Variants in MGAT4D observed in about 807,000 individuals in gnomAD.
The protein encoded by MGAT4D is MGAT4 family member D.
Under a neutral mutation model 15.9 loss-of-function variants are expected in MGAT4D, and 34 were observed. The observed-to-expected ratio is 2.14, with a 90% CI of 1.62 to 2.84. The LOEUF (loss-of-function observed/expected upper bound fraction) is 2.84, where lower values mean the gene tolerates loss of function less well. MGAT4D is among the 30% of genes most tolerant of loss of function. The pLI is 0.00. For missense variants in MGAT4D, 327 were observed against 140.2 expected, an observed-to-expected ratio of 2.33 and a Z score of -6.73; for synonymous variants, 112 against 48.2, an observed-to-expected ratio of 2.33 and a Z score of -5.49.
chr4:140,449,942 T>C, intron 10 of MGAT4D: 1 of 225,924 alleles, frequency 4.4e-6, no homozygotes, highest in East Asian at 9.1e-5. Context: ...GATGATTGTC[T>C]ATATATTTAT....
At chr4:140,488,316 T>C (rs1317489554) in intron 1 of MGAT4D, among the ~76,000 whole-genome samples, 5 of 152,214 alleles carry the variant, frequency 3.3e-5, no homozygotes, top group Admixed American at 1.3e-4. Context: ...ATACTTGCCA[T>C]GTGCTATGTA....
At chr4:140,445,560 T>C (rs1403917271) in intron 10 of MGAT4D, among the ~76,000 whole-genome samples, 1 of 152,214 alleles carries the variant, frequency 6.6e-6, no homozygotes, top group Admixed American at 6.5e-5. Flanking sequence ...ACTTTTGTTT[T>C]TATTGCAATT....
intron 1 of MGAT4D, among the ~76,000 whole-genome samples, chr4:140,494,650 C>T (rs1422020372): frequency 6.6e-6 from 1 of 152,208 alleles, no homozygotes; most frequent in Non-Finnish European, 1.5e-5. Context: ...GCTCCTACCC[C>T]AGCCTTTGCT....
intron 1 of MGAT4D, among the ~76,000 whole-genome samples, chr4:140,496,919 T>C (rs184581977): frequency 2.3e-3 from 356 of 152,342 alleles, no homozygotes; most frequent in African/African-American, 8.3e-3. Flanking sequence ...GTGTGCTTAT[T>C]GTTCATTGTG....
At chr4:140,486,215 C>T (rs1476689084) in intron 1 of MGAT4D, among the ~76,000 whole-genome samples, 4 of 152,102 alleles carry the variant, frequency 2.6e-5, no homozygotes, top group Admixed American at 2.6e-4. Context: ...GCTCTTCCCC[C>T]ATATCCTTTC....
intron 1 of MGAT4D, among the ~76,000 whole-genome samples, chr4:140,484,859 T>G (rs903033589): frequency 1.3e-5 from 2 of 152,126 alleles, no homozygotes; most frequent in African/African-American, 4.8e-5. Context: ...GAGATACCAT[T>G]TCACACCAGT....
chr4:140,450,130 A>T (rs1420629767), intron 10 of MGAT4D: 1 of 356,200 alleles, frequency 2.8e-6, no homozygotes, highest in Non-Finnish European at 5.1e-6. Context: ...CCTGTTAAAA[A>T]TTTAACAAAT....
intron 10 of MGAT4D, among the ~76,000 whole-genome samples, chr4:140,450,652 G>A (rs1337670733): frequency 6.6e-6 from 1 of 152,132 alleles, no homozygotes; most frequent in Admixed American, 6.5e-5. Flanking sequence ...AGATGTATAC[G>A]TCTATTTCTC....
chr4:140,449,778 C>T (rs1047573219), intron 10 of MGAT4D, among the ~76,000 whole-genome samples: 1 of 151,708 alleles, frequency 6.6e-6, no homozygotes, highest in African/African-American at 2.4e-5. Flanking sequence ...AAAGTTTTAT[C>T]ATAAGGGTAA....
intron 9 of MGAT4D, among the ~76,000 whole-genome samples, chr4:140,453,505 T>C (rs989724182): frequency 6.6e-6 from 1 of 152,052 alleles, no homozygotes; most frequent in Non-Finnish European, 1.5e-5. Flanking sequence ...TATATAATGT[T>C]TTTTAAATAT....
intron 1 of MGAT4D, 130 bp downstream of exon 1, chr4:140,497,999 T>C (rs1016849711): frequency 3.7e-6 from 2 of 542,512 alleles, no homozygotes; most frequent in Non-Finnish European, 6.4e-6. Context: ...GGCCTCCCAG[T>C]GCCAGCGCGG....
chr4:140,485,810 T>TA lies in MGAT4D; in HGVS notation c.95-3326dup, dbSNP rs61131099. Among the ~76,000 whole-genome samples the TA allele has an allele frequency of 5.4e-4, 7 of 13,026 alleles. 2 individuals are homozygous for TA. The highest frequency in any genetic ancestry group is 8.2e-4 in the African/African-American group (3 of 3,644). The allele number at this position is 13,026 out of a possible 152,430, so 8.5% of individuals were successfully genotyped here. ...TGAGCAACAGAGCAAGACCCTGTCT[T>TA]AAAAAAAAAAAAAAAAAAAAAAAAA... On this transcript the variant is annotated intron_variant, in intron 1 of 10. Transcript: ENST00000511113.
chr4:140,443,990 C>A (rs1290352436), intron 10 of MGAT4D, among the ~76,000 whole-genome samples: 2 of 151,982 alleles, frequency 1.3e-5, no homozygotes, highest in South Asian at 2.1e-4. Context: ...GGGGAAAAAA[C>A]CCCACACAAA....
chr4:140,496,634 G>C (rs957935982), intron 1 of MGAT4D, among the ~76,000 whole-genome samples: 4 of 152,170 alleles, frequency 2.6e-5, no homozygotes, highest in African/African-American at 7.2e-5. Flanking sequence ...CCTGAGGGCA[G>C]GAGTTTGTGA....
chr4:140,494,110 G>A (rs1322097169), intron 1 of MGAT4D, among the ~76,000 whole-genome samples: 1 of 152,156 alleles, frequency 6.6e-6, no homozygotes, highest in African/African-American at 2.4e-5. Flanking sequence ...ATGTACTTGA[G>A]CTTAAATGCA....
At chr4:140,464,391 ACT>A (rs1382549045) in intron 6 of MGAT4D, among the ~76,000 whole-genome samples, 17 of 152,036 alleles carry the variant, frequency 1.1e-4, no homozygotes, top group Admixed American at 3.9e-4. Flanking sequence ...TCTCATAATG[ACT>A]CTTCCAATTA....
At chr4:140,445,352 C>T (rs1255197001) in intron 10 of MGAT4D, among the ~76,000 whole-genome samples, 2 of 151,966 alleles carry the variant, frequency 1.3e-5, no homozygotes, top group East Asian at 3.9e-4. Context: ...CTGTTTGTGT[C>T]CTTTACCCAC....
At chr4:140,483,831 C>A (rs1039121588) in intron 1 of MGAT4D, among the ~76,000 whole-genome samples, 1 of 150,400 alleles carries the variant, frequency 6.6e-6, no homozygotes, top group Non-Finnish European at 1.5e-5. Flanking sequence ...GAAATTAGAT[C>A]TTTATTTCAA....
At chr4:140,445,374 GTTGT>G (rs1032546813) in intron 10 of MGAT4D, among the ~76,000 whole-genome samples, 31 of 152,106 alleles carry the variant, frequency 2.0e-4, no homozygotes, top group African/African-American at 6.5e-4. Flanking sequence ...TTTTAATGGG[GTTGT>G]TTGTTTTTTG....
Sources: allele counts gnomAD v4.1 joint callset (sites outside exome capture counted in the v4.1 genomes callset), GRCh38; gene constraint gnomAD v4.1.1; transcripts MANE v1.5; gene names NCBI Gene and HGNC (gene_info 2026-07-23, HGNC 2026-07-21).